The following OGG1 variants were observed in gnomAD, a reference collection of about 807,000 sequenced individuals.
OGG1 encodes the protein 8-oxoguanine DNA glycosylase.
Under a neutral mutation model 42.3 loss-of-function variants are expected in OGG1, and 35 were observed. The ratio of observed to expected loss-of-function variants is 0.83; its 90% CI spans 0.63 to 1.10. The LOEUF is 1.10. Ranked by LOEUF, OGG1 falls within the 50% of genes least tolerant of loss-of-function variation. The pLI is 0.00. For synonymous variants in OGG1, 189 were observed against 179.0 expected (o/e 1.06, Z -0.44); for missense variants, 484 against 446.7 (o/e 1.08, Z -0.75).
At chr3:9,761,908 A>C, downstream of OGG1, 1 of 1,215,958 alleles carries the variant, frequency 8.2e-7, no homozygotes, top group Non-Finnish European at 1.1e-6. Flanking sequence ...GGAAGCTCTC[A>C]AGAAGGCCAA....
downstream of OGG1, chr3:9,759,610 G>A (rs938290261): frequency 6.2e-7 from 1 of 1,614,132 alleles, no homozygotes; most frequent in South Asian, 1.1e-5. Flanking sequence ...TGCCTATGAG[G>A]GCAGAAGCAG....
At chr3:9,783,900 G>C (rs2078540957) in intron 3 of OGG1, 6 of 1,403,204 alleles carry the variant, frequency 4.3e-6, no homozygotes, top group Non-Finnish European at 5.6e-6. Flanking sequence ...TGTTTTTTTC[G>C]AGGCTCTCCA....
chr3:9,782,048 G>A (rs1052814853), intron 3 of OGG1, among the ~76,000 whole-genome samples: 3 of 151,854 alleles, frequency 2.0e-5, no homozygotes, highest in Non-Finnish European at 2.9e-5. Context: ...ACATTGCCCA[G>A]GCTAGTTTCG....
At chr3:9,786,423 G>A (rs563426807) in intron 3 of OGG1, among the ~76,000 whole-genome samples, 123 of 152,158 alleles carry the variant, frequency 8.1e-4, no homozygotes, top group Non-Finnish European at 1.4e-3. Context: ...TCTTGTGTTT[G>A]AGCCAGAATA....
chr3:9,779,465 C>T (rs1307819049), intron 2 of OGG1, among the ~76,000 whole-genome samples: 3 of 151,224 alleles, frequency 2.0e-5, no homozygotes, highest in African/African-American at 7.3e-5. Context: ...AGGCAGAGGT[C>T]GACACTGTGG....
At chr3:9,788,999 C>G (rs1193238661), downstream of OGG1, among the ~76,000 whole-genome samples, 3 of 151,996 alleles carry the variant, frequency 2.0e-5, no homozygotes, top group Non-Finnish European at 4.4e-5. Flanking sequence ...CCATGCCTGG[C>G]TAATTTTTTG....
exon 8 of OGG1, chr3:9,765,944 A>G (rs1299594580): frequency 6.2e-7 from 1 of 1,613,972 alleles, no homozygotes; most frequent in Non-Finnish European, 8.5e-7. Flanking sequence ...GCTTCCCTCC[A>G]GCCTCTCCTC....
chr3:9,750,555 G>T, intron 1 of OGG1, 132 bp downstream of exon 1: 1 of 1,288,470 alleles, frequency 7.8e-7, no homozygotes, highest in East Asian at 2.5e-5. Context: ...AAACAAGCAC[G>T]GGTAGCCAAC....
intron 2 of OGG1, among the ~76,000 whole-genome samples, chr3:9,776,210 G>A (rs558061003): frequency 4.2e-4 from 64 of 151,994 alleles, no homozygotes; most frequent in Non-Finnish European, 4.9e-4. Context: ...CTCTAAGCAG[G>A]CCAGCTGTTC....
chr3:9,759,736 G>T, downstream of OGG1: 2 of 1,614,042 alleles, frequency 1.2e-6, no homozygotes, highest in Non-Finnish European at 1.7e-6. Flanking sequence ...ATCAAGTGCC[G>T]GATGAAATCT....
rs1437524732 is a variant in OGG1, at chr3:9,750,107, C to T, written c.-180C>T. The T allele has an allele frequency of 1.2e-5, 10 of 804,836 alleles. No individual in the cohort carries two copies. Among genetic ancestry groups the T allele is most frequent in the South Asian group, 5.5e-5 (3 of 54,120 alleles). 49.9% of individuals were successfully genotyped at this position (804,836 alleles called of 1,614,324 possible). A position where few individuals can be genotyped will look rare whatever the true frequency, so the allele number is the denominator to read the frequency against. On this transcript the variant is annotated 5_prime_UTR_variant, in exon 1 of 7. Transcript: ENST00000344629. ...GGGCACGAAGCGGGGCTTTGATGAC[C>T]CGCAAAGGGCGAGGCATGCAGGAGG...
At chr3:9,766,529 A>G (rs2078158752) in exon 8 of OGG1, 2 of 479,814 alleles carry the variant, frequency 4.2e-6, no homozygotes, top group Non-Finnish European at 6.6e-6. Context: ...CCTGCCCCAG[A>G]TTTACTAAAT....
chr3:9,775,132 C>T (rs1397475306), intron 2 of OGG1, among the ~76,000 whole-genome samples: 1 of 151,758 alleles, frequency 6.6e-6, no homozygotes, highest in African/African-American at 2.4e-5. Flanking sequence ...CCCAGCTACT[C>T]GGGAGGTTGA....
intron 2 of OGG1, among the ~76,000 whole-genome samples, chr3:9,777,895 G>C (rs2078384930): frequency 6.6e-6 from 1 of 152,144 alleles, no homozygotes; most frequent in Non-Finnish European, 1.5e-5. Flanking sequence ...GCCATATATG[G>C]CTGCACAGGT....
In OGG1 at chr3:9,754,716, A is replaced by T; in HGVS notation, c.578A>T (p.Glu193Val). 2.5e-6 allele frequency: 4 copies of T among 1,614,168 alleles called. No individual in the cohort carries two copies. The highest frequency in any genetic ancestry group is 3.4e-6 in the Non-Finnish European group (4 of 1,180,022). ...SLQALAGPEVEAHLRKLGLGY... is the reference protein window; with the variant it reads ...SLQALAGPEVVAHLRKLGLGY... The stretch of plus-strand genomic sequence containing the variant: ...TCACTCCCCGCAGGGCCAGAGGTGG[A>T]GGCTCATCTCAGGAAGCTGGGCCTG... Residue 193 changes from glutamate (E) to valine (V), a missense_variant, in exon 4 of 7, where the codon GAG becomes GTG. Physicochemically the swap from Glu to Val is moderately radical, Grantham distance 121. Transcript: ENST00000344629.
downstream of OGG1, among the ~76,000 whole-genome samples, chr3:9,769,467 A>C (rs1202137777): frequency 6.6e-6 from 1 of 152,070 alleles, no homozygotes; most frequent in African/African-American, 2.4e-5. Context: ...TCTGGAACAA[A>C]AAACACACAG....
intron 3 of OGG1, chr3:9,783,946 T>C (rs2078541821): frequency 6.8e-7 from 1 of 1,474,232 alleles, no homozygotes; most frequent in Non-Finnish European, 9.0e-7. Flanking sequence ...GGAAAGCCTG[T>C]TGTAAAACCC....
intron 7 of OGG1, chr3:9,762,469 C>CGG (rs2077929205): frequency 6.3e-6 from 1 of 159,610 alleles, no homozygotes; most frequent in South Asian, 1.8e-4. Flanking sequence ...CTCTGCCTCC[C>CGG]GGGTCCAAGT....
At chr3:9,756,726 A>C in intron 5 of OGG1, 41 bp from the exon 6 acceptor site, 1 of 1,614,178 alleles carries the variant, frequency 6.2e-7, no homozygotes, top group Non-Finnish European at 8.5e-7. Flanking sequence ...GATGGGTCAC[A>C]GAAGGGGTCA....
Sources: allele counts gnomAD v4.1 joint callset (sites outside exome capture counted in the v4.1 genomes callset), GRCh38; gene constraint gnomAD v4.1.1; transcripts MANE v1.5; gene names NCBI Gene and HGNC (gene_info 2026-07-23, HGNC 2026-07-21).